PDE3A: variants seen among roughly 807,000 people sequenced by gnomAD.
The protein encoded by PDE3A is cGMP-inhibited 3',5'-cyclic phosphodiesterase 3A.
PDE3A carries 43 observed loss-of-function variants against 98.3 expected under a neutral mutation model. That is an observed-to-expected ratio of 0.44 (90% CI 0.34 to 0.56). The LOEUF is 0.56. Ranked by LOEUF, PDE3A falls within the 20% of genes least tolerant of loss-of-function variation. The pLI is 0.01. For missense variants in PDE3A, 1,427 were observed against 1,440.7 expected (o/e 0.99, Z 0.15); for synonymous variants, 663 against 567.9 (o/e 1.17, Z -2.38).
In PDE3A at chr12:20,684,437, T is replaced by C. The variant is rs1945895609; in HGVS notation, c.*4166T>C. The C allele has an allele frequency of 6.6e-6, 1 of 152,048 alleles. No homozygotes were observed. The allele number at this position is 152,048 out of a possible 1,614,324, so 9.4% of individuals were successfully genotyped here. A position where few individuals can be genotyped will look rare whatever the true frequency, so the allele number is the denominator to read the frequency against. On this transcript the variant is annotated 3_prime_UTR_variant, in exon 16 of 16. Transcript: ENST00000359062. ...TCATAGTCTAGAAAAACCAACAAGA[T>C]CCCCCTTATTTAGAGATTATTAGCT...
intron 10 of PDE3A, among the ~76,000 whole-genome samples, chr12:20,641,355 G>A (rs1391453522): frequency 6.6e-6 from 1 of 152,054 alleles, no homozygotes; most frequent in Admixed American, 6.6e-5. Context: ...TAGTTGGAAA[G>A]GATCTCAAGA....
rs987851438 is a variant in PDE3A, at chr12:20,648,705, T to C, written c.2583T>C (p.Asp861=). The C allele has an allele frequency of 6.2e-7, 1 of 1,610,948 alleles. No homozygotes were observed. The highest frequency in any genetic ancestry group is 8.5e-7 in the Non-Finnish European group (1 of 1,177,138). The change falls in exon 13 of 16, where the codon GAT becomes GAC. Residue 861 remains aspartate (D), a synonymous_variant. Transcript: ENST00000359062. The part of the protein sequence containing the change: ...TSAPQAVLYN[D]RSVLENHHAA... The stretch of plus-strand genomic sequence containing the variant: ...TTGCCTAGGCGGTGCTATATAACGA[T>C]CGTTCAGTTTTGGAGAATCATCACG...
intron 1 of PDE3A, among the ~76,000 whole-genome samples, chr12:20,386,176 TATATATAA>T (rs1565532702): frequency 1.3e-5 from 1 of 74,780 alleles, no homozygotes; most frequent in South Asian, 4.2e-4. Flanking sequence ...TATATAAAAA[TATATATAA>T]ATATATATAA....
rs1389111171 is a variant in PDE3A, at chr12:20,686,168, C to T, written c.*5897C>T. On this transcript the variant is annotated 3_prime_UTR_variant, in exon 16 of 16. Transcript: ENST00000359062. Reference sequence around the variant, plus strand: ...TCTTTTTCTAATATTCTACAAGCCTCATGGGGAAAATGTTTTATGAAGGAT... The same window carrying T: ...TCTTTTTCTAATATTCTACAAGCCTTATGGGGAAAATGTTTTATGAAGGAT... Among the ~76,000 whole-genome samples, 1 of 151,938 alleles carries T rather than the reference C, an allele frequency of 6.6e-6. No individual in the cohort carries two copies. Among genetic ancestry groups the T allele is most frequent in the Non-Finnish European group, 1.5e-5 (1 of 67,962 alleles).
intron 1 of PDE3A, chr12:20,551,850 CAAGG>C (rs1942212274): frequency 6.2e-7 from 1 of 1,613,866 alleles, no homozygotes; most frequent in Non-Finnish European, 8.5e-7. Context: ...TGGGCCGCAC[CAAGG>C]AATGTACCAT....
intron 8 of PDE3A, among the ~76,000 whole-genome samples, 159 bp from the exon 9 acceptor site, chr12:20,636,941 C>T (rs1000163185): frequency 5.2e-4 from 79 of 152,218 alleles, no homozygotes; most frequent in African/African-American, 1.8e-3. Context: ...GTCAATGTCT[C>T]GTTCATGTTG....
At position 20,369,434 on chromosome 12, in the gene PDE3A, G is replaced by A; in HGVS notation, c.150G>A (p.Leu50=). ...GCTGCCGTGGCTGCTGGGGAGACCT[G>A]GTGCTGCAGCCGCTCCGGAGCTCTC... ...DSGCRGCWGD[L]VLQPLRSSRK... The change falls in exon 1 of 16, where the codon CTG becomes CTA. Residue 50 remains leucine (L), a synonymous_variant. Transcript: ENST00000359062. The A allele has an allele frequency of 1.3e-6, 2 of 1,555,620 alleles. No individual in the cohort carries two copies. The highest frequency in any genetic ancestry group is 1.7e-6 in the Non-Finnish European group (2 of 1,150,650).
intron 12 of PDE3A, among the ~76,000 whole-genome samples, chr12:20,647,434 T>C (rs1476358907): frequency 6.6e-6 from 1 of 152,052 alleles, no homozygotes; most frequent in African/African-American, 2.4e-5. Context: ...ATTTTTTATT[T>C]TTTTTGCCTA....
intron 9 of PDE3A, 36 bp from the exon 10 acceptor site, chr12:20,639,810 T>C (rs1458571291): frequency 1.1e-6 from 1 of 902,316 alleles, no homozygotes; most frequent in African/African-American, 1.6e-5. Context: ...GACATACACA[T>C]AGGGATGTTT....
chr12:20,375,518 A>G lies in PDE3A; in HGVS notation c.960+5274A>G, dbSNP rs1365830476. Among the ~76,000 whole-genome samples, 4 of 151,944 alleles carry G rather than the reference A, an allele frequency of 2.6e-5. No homozygotes were observed. In the East Asian group the frequency reaches 7.7e-4, roughly 29 times the overall value. The stretch of plus-strand genomic sequence containing the variant: ...GGAAGATGTGTTGTATGACAATCGT[A>G]AAAAATATTAGTTGACCATACCTGT... On this transcript the variant is annotated intron_variant, in intron 1 of 15. Coordinates refer to ENST00000359062, the MANE Select transcript of PDE3A (RefSeq NM_000921.5).
chr12:20,542,469 ACACATACACT>A (rs1391518959), intron 1 of PDE3A, among the ~76,000 whole-genome samples: 7 of 125,060 alleles, frequency 5.6e-5, no homozygotes, highest in Non-Finnish European at 1.3e-4. Context: ...ACACACACAC[ACACATACACT>A]TTTAATTTTC....
intron 2 of PDE3A, among the ~76,000 whole-genome samples, chr12:20,592,502 A>G (rs984279343): frequency 8.5e-5 from 13 of 152,142 alleles, no homozygotes; most frequent in African/African-American, 3.1e-4. Context: ...GTGTTTTCCA[A>G]TGATGTATGT....
At chr12:20,457,163 T>C (rs929096395) in intron 1 of PDE3A, among the ~76,000 whole-genome samples, 3 of 152,106 alleles carry the variant, frequency 2.0e-5, no homozygotes, top group African/African-American at 7.2e-5. Flanking sequence ...AGGAATTCCT[T>C]TCTAATATGA....
intron 1 of PDE3A, among the ~76,000 whole-genome samples, chr12:20,400,803 T>C (rs1399388774): frequency 6.6e-6 from 1 of 152,190 alleles, no homozygotes; most frequent in Non-Finnish European, 1.5e-5. Context: ...ATGCTAAGCA[T>C]TTTAGAGAGA....
chr12:20,498,401 T>A (rs1220859296), intron 1 of PDE3A, among the ~76,000 whole-genome samples: 4 of 152,150 alleles, frequency 2.6e-5, no homozygotes, highest in Non-Finnish European at 5.9e-5. Context: ...AGTGAGTGTG[T>A]CTGAACTGAA....
intron 1 of PDE3A, chr12:20,551,597 G>GT: frequency 6.4e-7 from 1 of 1,554,602 alleles, no homozygotes. Context: ...CTGTGCGGGG[G>GT]CCGGCAGGAC....
chr12:20,549,671 A>G (rs1046903653), intron 1 of PDE3A, among the ~76,000 whole-genome samples: 2 of 152,076 alleles, frequency 1.3e-5, no homozygotes, highest in African/African-American at 4.8e-5. Flanking sequence ...AAGTAGCCAT[A>G]GTGTACATTT....
At position 20,633,748 on chromosome 12, in the gene PDE3A, G is replaced by T; in HGVS notation, c.1816G>T (p.Gly606Trp). Residue 606 changes from glycine (G) to tryptophan (W), a missense_variant, in exon 7 of 16, where the codon GGG (glycine) becomes TGG (tryptophan). Physicochemically the swap from Gly to Trp is radical, Grantham distance 184 (BLOSUM62 -2). Coordinates refer to ENST00000359062, the MANE Select transcript of PDE3A (RefSeq NM_000921.5). The stretch of plus-strand genomic sequence containing the variant: ...TGCTGATGAGCCCCTGGAGAGAAGT[G>T]GGGTAGCCACTCGGACACCAAGTAG... ...NPADEPLERS[G>W]VATRTPSRTD... 12 of 1,608,932 alleles carry T rather than the reference G, an allele frequency of 7.5e-6. No homozygotes were observed. Among genetic ancestry groups the T allele is most frequent in the South Asian group, 1.1e-5 (1 of 90,648 alleles).
At chr12:20,655,338 A>C (rs1226736600) in intron 15 of PDE3A, among the ~76,000 whole-genome samples, 2 of 152,284 alleles carry the variant, frequency 1.3e-5, no homozygotes, top group African/African-American at 4.8e-5. Flanking sequence ...AGGATTCCAA[A>C]GAGAGGAGAA....
Sources: gnomAD v4.1 joint callset for allele counts (sites outside exome capture counted in the v4.1 genomes callset) on GRCh38, gnomAD v4.1.1 for gene constraint, MANE v1.5 for transcripts, NCBI Gene and HGNC (gene_info 2026-07-23, HGNC 2026-07-21) for gene names.